Variants in TMED7 observed in about 807,000 individuals in gnomAD.
TMED7 encodes the protein transmembrane emp24 domain-containing protein 7.
In TMED7, 8 loss-of-function variants were observed where a neutral mutation model predicts 23.4. The observed-to-expected ratio is 0.34, with a 90% CI of 0.20 to 0.62. The LOEUF is 0.62. TMED7 is among the 20% of genes least tolerant of loss of function. The pLI, the probability that TMED7 is intolerant of heterozygous loss-of-function variation, is 0.77. For synonymous variants in TMED7, 121 were observed against 108.5 expected (o/e 1.12, Z -0.72); for missense variants, 232 against 279.1 (o/e 0.83, Z 1.20).
At position 115,616,086 on chromosome 5, in the gene TMED7, C is replaced by T. The variant is rs1218883368; in HGVS notation, c.*123G>A. 4.2e-6 allele frequency: 4 copies of T among 948,822 alleles called. No homozygotes were observed. The Admixed American group carries it at 6.8e-5, about 16-fold the overall frequency. 58.8% of individuals were successfully genotyped at this position (948,822 alleles called of 1,614,324 possible). ...GTTTGGGAATATGCATTGTACATCCCTCCCAACAAGTGTATGAGTAAGGAT... is the reference window on the plus strand; with the variant it reads ...GTTTGGGAATATGCATTGTACATCCTTCCCAACAAGTGTATGAGTAAGGAT... On this transcript the variant is annotated 3_prime_UTR_variant, in exon 3 of 3. Coordinates refer to ENST00000456936, the MANE Select transcript of TMED7 (RefSeq NM_181836.6).
intron 1 of TMED7, 55 bp downstream of exon 1, chr5:115,625,546 A>AC (rs924321720): frequency 1.4e-6 from 2 of 1,441,106 alleles, no homozygotes; most frequent in African/African-American, 1.5e-5. Flanking sequence ...CTCAAGTTAC[A>AC]CCCCCAATCC....
rs910134804 is a variant in TMED7 at position 115,615,577 on chromosome 5, T to C, written c.*632A>G. 2.6e-5 allele frequency: 4 copies of C among 152,906 alleles called. No individual in the cohort carries two copies. The allele number at this position is 152,906 out of a possible 1,614,324, so 9.5% of individuals were successfully genotyped here. ...CTCTTTTACACTACTGAAACTACTG[T>C]TTTCTGTGTACTACAAATGCCTTTA... is the stretch of plus-strand genomic sequence containing the variant. On this transcript the variant is annotated 3_prime_UTR_variant, in exon 3 of 3. Coordinates refer to ENST00000456936, the MANE Select transcript of TMED7 (RefSeq NM_181836.6).
intron 2 of TMED7, 117 bp downstream of exon 2, chr5:115,620,318 A>AT (rs1580455803): frequency 2.3e-6 from 3 of 1,292,844 alleles, no homozygotes; most frequent in Non-Finnish European, 3.0e-6. Context: ...ATTAAGATAG[A>AT]TTTTAAAGAC....
chr5:115,623,975 T>C, intron 1 of TMED7, among the ~76,000 whole-genome samples: 1 of 152,198 alleles, frequency 6.6e-6, no homozygotes, highest in Admixed American at 6.5e-5. Context: ...TCTTAGCCTA[T>C]CTAAACCTCA....
intron 1 of TMED7, 118 bp downstream of exon 1, chr5:115,625,483 C>A: frequency 1.6e-6 from 2 of 1,239,384 alleles, no homozygotes. Context: ...TACCTAGAAG[C>A]GATTTTTGAA....
At chr5:115,623,105 C>T (rs1390206498) in intron 1 of TMED7, among the ~76,000 whole-genome samples, 1 of 152,058 alleles carries the variant, frequency 6.6e-6, no homozygotes, top group Non-Finnish European at 1.5e-5. Context: ...CTGAAAAGAG[C>T]CCCAAAAGGA....
chr5:115,618,647 T>C (rs1226449835), intron 2 of TMED7, among the ~76,000 whole-genome samples: 2 of 152,214 alleles, frequency 1.3e-5, no homozygotes, highest in Non-Finnish European at 2.9e-5. Flanking sequence ...TCAGGTGCAA[T>C]GTTCTGGGTG....
intron 2 of TMED7, among the ~76,000 whole-genome samples, chr5:115,619,613 A>G (rs1009037256): frequency 6.6e-6 from 1 of 152,102 alleles, no homozygotes; most frequent in African/African-American, 2.4e-5. Flanking sequence ...TTGTGATGGA[A>G]CCCAGGTCTA....
chr5:115,621,630 G>A (rs982308308), intron 1 of TMED7, among the ~76,000 whole-genome samples: 1 of 152,128 alleles, frequency 6.6e-6, no homozygotes, highest in African/African-American at 2.4e-5. Context: ...TACAGAGGAG[G>A]GAGAGATTTT....
At chr5:115,625,579 G>A (rs1298905444) in intron 1 of TMED7, 22 bp downstream of exon 1, 1 of 1,530,844 alleles carries the variant, frequency 6.5e-7, no homozygotes, top group Admixed American at 2.0e-5. Flanking sequence ...TTGGGGCCCA[G>A]GGACTGCTAG....
chr5:115,620,275 C>CTGAA (rs1291941124), intron 2 of TMED7, 160 bp downstream of exon 2: 6 of 1,011,662 alleles, frequency 5.9e-6, no homozygotes, highest in Non-Finnish European at 5.1e-6. Context: ...CTACAAAAGT[C>CTGAA]TGAAGTTCTC....
chr5:115,625,604 G>T lies in TMED7; in HGVS notation c.189C>A (p.Phe63Leu). ...IAQGTKCTLE[F>L]QVITGGHYDV... ...GGGACTGCTAGGCCCCTGATACCTGGAACTCCAGGGTGCACTTGGTGCCCT... is the reference window on the plus strand; with the variant it reads ...GGGACTGCTAGGCCCCTGATACCTGTAACTCCAGGGTGCACTTGGTGCCCT... Residue 63 changes from phenylalanine to leucine, a missense_variant, in exon 1 of 3, where the codon TTC becomes TTA. This residue lies in a region of TMED7 where 106 missense variants were observed against 97.0 expected (regional missense o/e 1.09). Coordinates refer to ENST00000456936, the MANE Select transcript of TMED7 (RefSeq NM_181836.6). 1 of 1,580,618 alleles carries T rather than the reference G, an allele frequency of 6.3e-7. No individual in the cohort carries two copies. The highest frequency in any genetic ancestry group is 1.1e-5 in the South Asian group (1 of 87,078).
In TMED7 at chr5:115,614,149, C is replaced by A. The variant is rs185194740; in HGVS notation, c.*2060G>T. The A allele has an allele frequency of 6.6e-6, 1 of 152,016 alleles. No homozygotes were observed. Among genetic ancestry groups the A allele is most frequent in the South Asian group, 2.1e-4 (1 of 4,828 alleles). 9.4% of individuals were successfully genotyped at this position (152,016 alleles called of 1,614,324 possible). On this transcript the variant is annotated 3_prime_UTR_variant, in exon 3 of 3. Coordinates refer to ENST00000456936, the MANE Select transcript of TMED7 (RefSeq NM_181836.6). Reference sequence around the variant, plus strand: ...TATTTTCTAATTTACATACACATATCCAGTTGAGTATAGACAACCATCAAA... The same window carrying A: ...TATTTTCTAATTTACATACACATATACAGTTGAGTATAGACAACCATCAAA...
chr5:115,613,719 A>G lies in TMED7; in HGVS notation c.*2490T>C, dbSNP rs916276390. The G allele has an allele frequency of 1.3e-5, 2 of 152,594 alleles. No individual in the cohort carries two copies. Among genetic ancestry groups the G allele is most frequent in the Non-Finnish European group, 2.9e-5 (2 of 67,968 alleles). 9.5% of individuals were successfully genotyped at this position (152,594 alleles called of 1,614,324 possible). ...TGCATAGTACAGAGATTTAAATGAA[A>G]TCTTCGAAAGAATAAATTTGCTTTT... On this transcript the variant is annotated 3_prime_UTR_variant, in exon 3 of 3. Transcript: ENST00000456936.
intron 2 of TMED7, among the ~76,000 whole-genome samples, chr5:115,619,478 T>G (rs1756937970): frequency 6.6e-6 from 1 of 152,186 alleles, no homozygotes. Context: ...TTGAGTAACT[T>G]TTAGATACGA....
In TMED7 at chr5:115,625,775, G is replaced by A; in HGVS notation, c.18C>T (p.Ser6=). Residue 6 remains serine (S), a synonymous_variant, in exon 1 of 3, where the codon TCC becomes TCT. Transcript: ENST00000456936. The stretch of plus-strand genomic sequence containing the variant: ...CCGCGACGGCCGCCCAGCGCTGCGC[G>A]GACCCCGGCCGCGGCATCCCGAGAA... MPRPG[S]AQRWAAVAGR... is the part of the protein sequence containing the mutation. 2 of 1,458,484 alleles carry A rather than the reference G, an allele frequency of 1.4e-6. No homozygotes were observed. The highest frequency in any genetic ancestry group is 1.8e-6 in the Non-Finnish European group (2 of 1,109,154). 90.3% of individuals were successfully genotyped at this position (1,458,484 alleles called of 1,614,324 possible). A position where few individuals can be genotyped will look rare whatever the true frequency, so the allele number is the denominator to read the frequency against.
intron 1 of TMED7, among the ~76,000 whole-genome samples, chr5:115,623,804 T>C (rs975334868): frequency 9.9e-5 from 15 of 152,220 alleles, no homozygotes; most frequent in African/African-American, 3.1e-4. Context: ...ATACCTAGTG[T>C]GTACCTTTAT....
At position 115,616,332 on chromosome 5, in the gene TMED7, T is replaced by C. The variant is rs761465123; in HGVS notation, c.552A>G (p.Thr184=). 1 of 1,614,090 alleles carries C rather than the reference T, an allele frequency of 6.2e-7. No homozygotes were observed. ...CTCCTACTGACCAATAGGCCACTCT[T>C]GTATTTAGATCCTCTGCTCGGCTTC... is the stretch of plus-strand genomic sequence containing the variant. ...QGRSRAEDLN[T]RVAYWSVGEA... is the part of the protein sequence containing the mutation. Residue 184 remains threonine, a synonymous_variant, in exon 3 of 3, where the codon ACA becomes ACG. Coordinates refer to ENST00000456936, the MANE Select transcript of TMED7 (RefSeq NM_181836.6).
chr5:115,620,638 C>T lies in TMED7; in HGVS notation c.235G>A (p.Asp79Asn). The change falls in exon 2 of 3, where the codon GAT (aspartate) becomes AAT (asparagine). Residue 79 changes from aspartate to asparagine, a missense_variant. This residue lies in a region of TMED7 where 126 missense variants were observed against 182.1 expected (regional missense o/e 0.69). Coordinates refer to ENST00000456936, the MANE Select transcript of TMED7 (RefSeq NM_181836.6). Reference protein sequence around the residue: ...GHYDVDCRLEDPDGKVLYKEM... With the variant: ...GHYDVDCRLENPDGKVLYKEM... Reference sequence around the variant, plus strand: ...TTGTATAACACTTTACCATCAGGATCTTCTAATCGACAATCTACATCATAG... The same window carrying T: ...TTGTATAACACTTTACCATCAGGATTTTCTAATCGACAATCTACATCATAG... 1 of 1,573,364 alleles carries T rather than the reference C, an allele frequency of 6.4e-7. No individual in the cohort carries two copies. The highest frequency in any genetic ancestry group is 8.6e-7 in the Non-Finnish European group (1 of 1,161,118).
Sources: gnomAD v4.1 joint callset for allele counts (sites outside exome capture counted in the v4.1 genomes callset) on GRCh38, gnomAD v4.1.1 for gene constraint, gnomAD v4.1.1 regional missense constraint, MANE v1.5 for transcripts, NCBI Gene and HGNC (gene_info 2026-07-23, HGNC 2026-07-21) for gene names.